CA4: variants seen among roughly 807,000 people sequenced by gnomAD.
CA4 encodes the protein CA-IV.
A neutral mutation model predicts 34.5 loss-of-function variants in CA4; 24 were observed. That is an observed-to-expected ratio of 0.70 (90% confidence interval 0.50 to 0.98). CA4 has a LOEUF of 0.98. CA4 is among the 50% of genes least tolerant of loss of function. The pLI is 0.00. For synonymous variants in CA4, 178 were observed against 170.6 expected (o/e 1.04, Z -0.34); for missense variants, 394 against 396.7 (o/e 0.99, Z 0.06).
At chr17:60,153,057 G>T (rs1182767862) in intron 1 of CA4, among the ~76,000 whole-genome samples, 1 of 152,148 alleles carries the variant, frequency 6.6e-6, no homozygotes, top group Non-Finnish European at 1.5e-5. Context: ...AATAATGTTG[G>T]CTGGGCACGG....
intron 1 of CA4, chr17:60,151,624 A>G (rs1296849475): frequency 1.3e-5 from 2 of 152,230 alleles, no homozygotes; most frequent in East Asian, 1.9e-4. Context: ...TTAAGTGATT[A>G]GTGCGGTGCC....
chr17:60,176,328 C>T, the CA4 span, among the ~76,000 whole-genome samples: 13 of 152,250 alleles, frequency 8.5e-5, no homozygotes, highest in African/African-American at 3.1e-4. Context: ...TTAATTCTTA[C>T]AAGCCTGAGT....
chr17:60,155,653 C>G (rs2083669912), intron 2 of CA4, among the ~76,000 whole-genome samples: 1 of 150,532 alleles, frequency 6.6e-6, no homozygotes, highest in South Asian at 2.1e-4. Flanking sequence ...CACACACACT[C>G]ACACTCACAC....
chr17:60,157,477 G>A lies in CA4; in HGVS notation c.319G>A (p.Ala107Thr). The change falls in exon 4 of 8, where the codon GCC becomes ACC. Residue 107 changes from alanine (A) to threonine (T), a missense_variant. Coordinates refer to ENST00000300900, the MANE Select transcript of CA4 (RefSeq NM_000717.5). ...CAGCATTTCTGGAGGAGGACTGCCT[G>A]CCCCATACCAGGCCAAACAGTTGCA... is the stretch of plus-strand genomic sequence containing the variant. ...KASISGGGLP[A>T]PYQAKQLHLH... 4 of 1,614,156 alleles carry A rather than the reference G, an allele frequency of 2.5e-6. No homozygotes were observed. Among genetic ancestry groups the A allele is most frequent in the Non-Finnish European group, 2.5e-6 (3 of 1,179,988 alleles).
At chr17:60,163,582 G>C (rs770381457), downstream of CA4, among the ~76,000 whole-genome samples, 1 of 152,176 alleles carries the variant, frequency 6.6e-6, no homozygotes, top group Non-Finnish European at 1.5e-5. Flanking sequence ...TTATCTGAGA[G>C]GGACAAAGGC....
chr17:60,174,014 A>T (rs1432314791), downstream of CA4, among the ~76,000 whole-genome samples: 1 of 152,068 alleles, frequency 6.6e-6, no homozygotes, highest in Non-Finnish European at 1.5e-5. Context: ...ACATAACATT[A>T]TTGTTATATT....
chr17:60,172,655 C>G (rs747133324), downstream of CA4, among the ~76,000 whole-genome samples: 1 of 151,510 alleles, frequency 6.6e-6, no homozygotes, highest in Non-Finnish European at 1.5e-5. Context: ...ACCAGCCTGG[C>G]CAACATGGTG....
chr17:60,157,820 C>A, intron 5 of CA4, 32 bp downstream of exon 5: 5 of 1,588,352 alleles, frequency 3.1e-6, no homozygotes, highest in Non-Finnish European at 4.3e-6. Context: ...TCCCGGGGAA[C>A]CCGGGGCTGA....
intron 5 of CA4, among the ~76,000 whole-genome samples, chr17:60,169,204 G>A (rs2145309224): frequency 6.7e-6 from 1 of 149,694 alleles, no homozygotes; most frequent in Non-Finnish European, 1.5e-5. Context: ...TTGAGATCAT[G>A]CCACTGCACT....
chr17:60,152,118 G>A (rs2083602464), intron 1 of CA4, among the ~76,000 whole-genome samples: 1 of 152,088 alleles, frequency 6.6e-6, no homozygotes. Context: ...CTGACTTTCG[G>A]TCTCTAACCT....
At chr17:60,153,458 C>T (rs974743344) in intron 1 of CA4, among the ~76,000 whole-genome samples, 2 of 152,216 alleles carry the variant, frequency 1.3e-5, no homozygotes, top group Non-Finnish European at 2.9e-5. Flanking sequence ...TGCATTCCTT[C>T]CTTCTCTGAC....
chr17:60,177,966 G>GA, the CA4 span, among the ~76,000 whole-genome samples: 1 of 151,612 alleles, frequency 6.6e-6, no homozygotes, highest in Non-Finnish European at 1.5e-5. Context: ...AAAACTACAC[G>GA]AAAAAAATGC....
At chr17:60,156,898 T>C in intron 3 of CA4, 183 bp downstream of exon 3, 1 of 661,842 alleles carries the variant, frequency 1.5e-6, no homozygotes, top group East Asian at 2.7e-5. Context: ...TTTCGTTACT[T>C]TTGTCAGACC....
intron 5 of CA4, among the ~76,000 whole-genome samples, chr17:60,169,263 A>AT (rs2083890719): frequency 7.0e-6 from 1 of 142,056 alleles, no homozygotes; most frequent in Non-Finnish European, 1.5e-5. Flanking sequence ...AAAAAAAAAA[A>AT]GCAGCAGCAG....
downstream of CA4, among the ~76,000 whole-genome samples, chr17:60,172,748 G>A (rs2145316110): frequency 6.6e-6 from 1 of 152,274 alleles, no homozygotes; most frequent in East Asian, 1.9e-4. Context: ...GCAGGCTGAG[G>A]CAGGAGAATC....
Position 60,156,632 on chromosome 17 carries a change from AG to A in CA4, c.187del (p.Val63TrpfsTer28). 1 of 1,613,826 alleles carries A rather than the reference AG, an allele frequency of 6.2e-7. No homozygotes were observed. Among genetic ancestry groups the A allele is most frequent in the Non-Finnish European group, 8.5e-7 (1 of 1,179,650 alleles). On this transcript the variant is annotated frameshift_variant, in exon 3 of 8. Coordinates refer to ENST00000300900, the MANE Select transcript of CA4 (RefSeq NM_000717.5). LOFTEE classifies it high-confidence loss of function. ...SPINIVTTKA[K>X]VDKKLGRFFF... The stretch of plus-strand genomic sequence containing the variant: ...ATCAACATCGTCACCACCAAGGCAA[AG>A]GTGGACAAAAAACTGGGACGCTTCT...
chr17:60,152,203 C>T (rs2083604987), intron 1 of CA4, among the ~76,000 whole-genome samples: 1 of 151,966 alleles, frequency 6.6e-6, no homozygotes, highest in Non-Finnish European at 1.5e-5. Context: ...CCCTCTCCTT[C>T]CCAAGCCCTC....
intron 5 of CA4, among the ~76,000 whole-genome samples, chr17:60,166,726 G>T (rs1314079257): frequency 1.3e-5 from 2 of 152,030 alleles, no homozygotes; most frequent in African/African-American, 4.8e-5. Context: ...GAGGCCAAGG[G>T]GGGGGCGGAT....
At chr17:60,157,814 G>T in intron 5 of CA4, 26 bp downstream of exon 5, 1 of 1,592,220 alleles carries the variant, frequency 6.3e-7, no homozygotes, top group Non-Finnish European at 8.6e-7. Context: ...CCCACTTCCC[G>T]GGGAACCCGG....
Sources: allele counts gnomAD v4.1 joint callset (sites outside exome capture counted in the v4.1 genomes callset), GRCh38; gene constraint gnomAD v4.1.1; transcripts MANE v1.5; gene names NCBI Gene and HGNC (gene_info 2026-07-23, HGNC 2026-07-21).